ADAMTS5: variants seen among roughly 807,000 people sequenced by gnomAD.
ADAMTS5 encodes A disintegrin and metalloproteinase with thrombospondin motifs 5.
ADAMTS5 carries 54 observed loss-of-function variants against 81.4 expected under a neutral mutation model. That is an observed-to-expected ratio of 0.66 (90% CI 0.53 to 0.83). The LOEUF (loss-of-function observed/expected upper bound fraction) is 0.83. Among genes scored for constraint, ADAMTS5 ranks in the 40% least tolerant of loss-of-function variants. The pLI is 0.00. For missense variants in ADAMTS5, 1,194 were observed against 1,229.9 expected (o/e 0.97, Z 0.44); for synonymous variants, 532 against 508.8 (o/e 1.05, Z -0.61).
At position 26,966,166 on chromosome 21, in the gene ADAMTS5, T is replaced by TCTGCACCAGCCCCTTGCTCCTGCGCCG. The variant is rs1434618663; in HGVS notation, c.199_225dup (p.Arg67_Gln75dup). ...CCGCCGGAGTAGAGTTGGTCGATGT[T>TCTGCACCAGCCCCTTGCTCCTGCGCCG]CTGCACCAGCCCCTTGCTCCTGCGC... On this transcript the variant is annotated inframe_insertion, in exon 1 of 8. Transcript: ENST00000284987. 2.5e-6 allele frequency: 4 copies of TCTGCACCAGCCCCTTGCTCCTGCGCCG among 1,609,392 alleles called. No homozygotes were observed.
At chr21:26,939,929 TG>T (rs1193693538) in intron 3 of ADAMTS5, among the ~76,000 whole-genome samples, 1 of 152,186 alleles carries the variant, frequency 6.6e-6, no homozygotes. Flanking sequence ...CCATGAGACA[TG>T]GCTTCTCCTT....
intron 3 of ADAMTS5, among the ~76,000 whole-genome samples, chr21:26,940,736 G>C (rs76667401): frequency 6.6e-6 from 1 of 152,048 alleles, no homozygotes; most frequent in African/African-American, 2.4e-5. Flanking sequence ...TTGTGACATC[G>C]TTTAGTCTTC....
intron 3 of ADAMTS5, among the ~76,000 whole-genome samples, 166 bp downstream of exon 3, chr21:26,943,214 C>T (rs1987146189): frequency 6.6e-6 from 1 of 152,316 alleles, no homozygotes; most frequent in South Asian, 2.1e-4. Flanking sequence ...AGGACGTTGG[C>T]AGTACATACC....
rs760670166 is a variant in ADAMTS5 at position 26,924,191 on chromosome 21, G to A, written c.2655C>T (p.Leu885=). 9 of 1,614,170 alleles carry A rather than the reference G, an allele frequency of 5.6e-6. No individual in the cohort carries two copies. The highest frequency in any genetic ancestry group is 6.8e-6 in the Non-Finnish European group (8 of 1,180,028). Residue 885 remains leucine, a synonymous_variant, in exon 8 of 8, where the codon CTC becomes CTT. Transcript: ENST00000284987. The part of the protein sequence containing the change: ...SQPQWVTGPW[L]ACSRTCDTGW... Reference sequence around the variant, plus strand: ...CTGTGTCACAGGTCCTAGAGCAGGCGAGCCATGGGCCCGTGACCCACTGCG... The same window carrying A: ...CTGTGTCACAGGTCCTAGAGCAGGCAAGCCATGGGCCCGTGACCCACTGCG...
chr21:26,948,091 A>T (rs992271574), intron 2 of ADAMTS5, among the ~76,000 whole-genome samples: 1 of 152,210 alleles, frequency 6.6e-6, no homozygotes, highest in Non-Finnish European at 1.5e-5. Context: ...TACAGATTTT[A>T]AGAACACCTT....
chr21:26,924,013 A>G lies in ADAMTS5; in HGVS notation c.*40T>C. 1 of 1,546,628 alleles carries G rather than the reference A, an allele frequency of 6.5e-7. No individual in the cohort carries two copies. Among genetic ancestry groups the G allele is most frequent in the Non-Finnish European group, 8.8e-7 (1 of 1,141,616 alleles). ...TTCACCACGACTGCATCAGTGCTGA[A>G]TCCTCCAGTTATCTTTGTGCATAAG... On this transcript the variant is annotated 3_prime_UTR_variant, in exon 8 of 8. Coordinates refer to ENST00000284987, the MANE Select transcript of ADAMTS5 (RefSeq NM_007038.5).
chr21:26,935,530 T>C (rs1400896728), intron 3 of ADAMTS5, among the ~76,000 whole-genome samples: 1 of 152,204 alleles, frequency 6.6e-6, no homozygotes, highest in African/African-American at 2.4e-5. Flanking sequence ...ATTAAGTTAG[T>C]CTTTATACTC....
At chr21:26,962,211 T>TA (rs34015667) in intron 1 of ADAMTS5, among the ~76,000 whole-genome samples, 31 of 149,436 alleles carry the variant, frequency 2.1e-4, no homozygotes, top group Admixed American at 6.7e-4. Flanking sequence ...GCAAATGGTC[T>TA]AAAAAAAAAC....
intron 2 of ADAMTS5, among the ~76,000 whole-genome samples, chr21:26,945,256 T>A (rs1219365437): frequency 6.6e-6 from 1 of 152,172 alleles, no homozygotes; most frequent in African/African-American, 2.4e-5. Flanking sequence ...TCCCGAAATT[T>A]TCCAAGATAG....
rs574967853 is a variant in ADAMTS5, at chr21:26,940,209, T to C, written c.1405+3171A>G. Among the ~76,000 whole-genome samples the C allele has an allele frequency of 4.6e-5, 7 of 152,318 alleles. No individual in the cohort carries two copies. The East Asian group carries it at 1.2e-3, about 25-fold the overall frequency. On this transcript the variant is annotated intron_variant, in intron 3 of 7. Transcript: ENST00000284987. ...GAAGGTGAGAGGGGGTGGGGTAAGA[T>C]ATTAGACATAAATGGAATTCCCATT...
rs571988569 is a variant in ADAMTS5 at position 26,963,861 on chromosome 21, G to A, written c.1104+1427C>T. On this transcript the variant is annotated intron_variant, in intron 1 of 7. Coordinates refer to ENST00000284987, the MANE Select transcript of ADAMTS5 (RefSeq NM_007038.5). ...AATGTTTTCCATTGTGCACAGCACT[G>A]CGCGCTGCTTGGCTCTCCCTAAACT... 5.9e-5 allele frequency among the ~76,000 whole-genome samples: 9 copies of A among 152,152 alleles called. No individual in the cohort carries two copies. In the South Asian group the frequency reaches 1.9e-3, roughly 32 times the overall value.
chr21:26,942,189 T>C (rs1568845157), intron 3 of ADAMTS5, among the ~76,000 whole-genome samples: 2 of 152,116 alleles, frequency 1.3e-5, no homozygotes, highest in Admixed American at 6.5e-5. Flanking sequence ...TTTGACTCCA[T>C]GGTATCAGAG....
intron 7 of ADAMTS5, 102 bp downstream of exon 7, chr21:26,929,784 A>G: frequency 8.2e-7 from 1 of 1,226,522 alleles, no homozygotes. Context: ...AGACCTCCTC[A>G]TACAGATAGC....
In ADAMTS5 at chr21:26,965,744, C is replaced by A. The variant is rs778391797; in HGVS notation, c.648G>T (p.Pro216=). 2 of 1,595,416 alleles carry A rather than the reference C, an allele frequency of 1.3e-6. No homozygotes were observed. The highest frequency in any genetic ancestry group is 2.7e-5 in the African/African-American group (2 of 74,610). Residue 216 remains proline, a synonymous_variant, in exon 1 of 8, where the codon CCG becomes CCT. Transcript: ENST00000284987. ...RASCETPAST[P]EAHEHAPAHS... Reference sequence around the variant, plus strand: ...GCGCCGGAGCATGCTCGTGGGCCTCCGGTGTGGACGCGGGGGTTTCGCAGC... The same window carrying A: ...GCGCCGGAGCATGCTCGTGGGCCTCAGGTGTGGACGCGGGGGTTTCGCAGC...
chr21:26,955,255 A>G (rs912976339), intron 1 of ADAMTS5, among the ~76,000 whole-genome samples: 3 of 152,180 alleles, frequency 2.0e-5, no homozygotes, highest in Admixed American at 6.5e-5. Context: ...CTGGCCTTAT[A>G]ATTTGTTTTC....
At position 26,921,123 on chromosome 21, in the gene ADAMTS5, C is replaced by T. The variant is rs981903409; in HGVS notation, c.*2930G>A. 4 of 152,322 alleles carry T rather than the reference C, an allele frequency of 2.6e-5. No homozygotes were observed. The highest frequency in any genetic ancestry group is 9.7e-5 in the African/African-American group (4 of 41,410). 9.4% of individuals were successfully genotyped at this position (152,322 alleles called of 1,614,324 possible). A position where few individuals can be genotyped will look rare whatever the true frequency, so the allele number is the denominator to read the frequency against. On this transcript the variant is annotated 3_prime_UTR_variant, in exon 8 of 8. Coordinates refer to ENST00000284987, the MANE Select transcript of ADAMTS5 (RefSeq NM_007038.5). Reference sequence around the variant, plus strand: ...TAAATAATTTTATCACACAAATTCACATACCAGTTGCAAAAACAATAAATT... The same window carrying T: ...TAAATAATTTTATCACACAAATTCATATACCAGTTGCAAAAACAATAAATT...
chr21:26,966,246 T>C lies in ADAMTS5; in HGVS notation c.146A>G (p.Glu49Gly), dbSNP rs1380084814. 8 of 1,597,818 alleles carry C rather than the reference T, an allele frequency of 5.0e-6. No homozygotes were observed. Among genetic ancestry groups the C allele is most frequent in the East Asian group, 2.3e-5 (1 of 44,340 alleles). ...AAAQPRRRQGEEVQERAEPPG... is the reference protein window; with the variant it reads ...AAAQPRRRQGGEVQERAEPPG... ...AGGCTCGGCTCGCTCCTGCACCTCCTCCCCCTGCCGCCGGCGGGGCTGGGC... is the reference window on the plus strand; with the variant it reads ...AGGCTCGGCTCGCTCCTGCACCTCCCCCCCCTGCCGCCGGCGGGGCTGGGC... Residue 49 changes from glutamate to glycine, a missense_variant, in exon 1 of 8, where the codon GAG becomes GGG. By Grantham distance (98) the Glu-to-Gly change is moderately conservative (BLOSUM62 -2). Coordinates refer to ENST00000284987, the MANE Select transcript of ADAMTS5 (RefSeq NM_007038.5).
At chr21:26,940,511 T>C (rs1601007496) in intron 3 of ADAMTS5, among the ~76,000 whole-genome samples, 1 of 152,314 alleles carries the variant, frequency 6.6e-6, no homozygotes, top group Non-Finnish European at 1.5e-5. Flanking sequence ...AGCCTTTCTC[T>C]TATTGTTAAA....
At position 26,966,250 on chromosome 21, in the gene ADAMTS5, C is replaced by T. The variant is rs767153714; in HGVS notation, c.142G>A (p.Gly48Arg). The change falls in exon 1 of 8, where the codon GGG becomes AGG. Residue 48 changes from glycine to arginine, a missense_variant. Gly to Arg is a moderately radical substitution (Grantham distance 125). Transcript: ENST00000284987. ...TCGGCTCGCTCCTGCACCTCCTCCC[C>T]CTGCCGCCGGCGGGGCTGGGCGGCT... ...AAAAQPRRRQ[G>R]EEVQERAEPP... 5.0e-6 allele frequency: 8 copies of T among 1,597,578 alleles called. 1 individual carries two copies. In the East Asian group the frequency reaches 1.6e-4, roughly 32 times the overall value.
Sources: allele counts gnomAD v4.1 joint callset (sites outside exome capture counted in the v4.1 genomes callset), GRCh38; gene constraint gnomAD v4.1.1; transcripts MANE v1.5; gene names NCBI Gene and HGNC (gene_info 2026-07-23, HGNC 2026-07-21).